BCL11B: variants seen among roughly 807,000 people sequenced by gnomAD.
The protein encoded by BCL11B is B-cell lymphoma/leukemia 11B.
In BCL11B, 8 loss-of-function variants were observed where a neutral mutation model predicts 49.9. That is an observed-to-expected ratio of 0.16 (90% CI 0.09 to 0.29). The LOEUF is 0.29. Among genes scored for constraint, BCL11B ranks in the 10% least tolerant of loss-of-function variants. The probability of loss-of-function intolerance (pLI) is 1.00; values close to 1 mark genes in which losing one functional copy is unlikely to be tolerated. For missense variants in BCL11B, 1,006 were observed against 1,351.0 expected (o/e 0.74, Z 4.00); for synonymous variants, 739 against 637.4 (o/e 1.16, Z -2.40).
intron 3 of BCL11B, among the ~76,000 whole-genome samples, chr14:99,211,777 T>C (rs1566812269): frequency 1.3e-5 from 2 of 152,040 alleles, no homozygotes; most frequent in Non-Finnish European, 2.9e-5. Flanking sequence ...CCCTCTGGAG[T>C]ACCCCCCACC....
At chr14:99,178,895 C>G (rs551338001) in intron 3 of BCL11B, among the ~76,000 whole-genome samples, 6 of 152,162 alleles carry the variant, frequency 3.9e-5, no homozygotes, top group Non-Finnish European at 7.3e-5. Context: ...CTCCCTTCCC[C>G]CAATCTCTTT....
At chr14:99,219,706 C>T (rs1595257281) in intron 3 of BCL11B, among the ~76,000 whole-genome samples, 1 of 151,980 alleles carries the variant, frequency 6.6e-6, no homozygotes, top group African/African-American at 2.4e-5. Context: ...GAAGACACAA[C>T]AGAAAGAACA....
intron 3 of BCL11B, among the ~76,000 whole-genome samples, chr14:99,216,804 T>G (rs1381312380): frequency 6.6e-6 from 1 of 151,964 alleles, no homozygotes; most frequent in East Asian, 1.9e-4. Flanking sequence ...ACATATACAC[T>G]CAACATGCAC....
chr14:99,170,248 C>G lies in BCL11B; in HGVS notation c.*3903G>C, dbSNP rs1886243443. The G allele has an allele frequency of 4.5e-6, 1 of 222,158 alleles. No homozygotes were observed. The highest frequency in any genetic ancestry group is 2.2e-5 in the African/African-American group (1 of 44,736). 13.8% of individuals were successfully genotyped at this position (222,158 alleles called of 1,614,324 possible). On this transcript the variant is annotated 3_prime_UTR_variant, in exon 4 of 4. Transcript: ENST00000357195. ...AAACTGAAATCTCAGCTTTCTCTCC[C>G]ATTCCCTCCCCCCTTTTTTTTAACT... is the stretch of plus-strand genomic sequence containing the variant.
At position 99,174,776 on chromosome 14, in the gene BCL11B, C is replaced by T. The variant is rs868859021; in HGVS notation, c.2060G>A (p.Arg687His). The T allele has an allele frequency of 1.4e-6, 2 of 1,464,202 alleles. No homozygotes were observed. The highest frequency in any genetic ancestry group is 1.8e-6 in the Non-Finnish European group (2 of 1,108,400). The allele number at this position is 1,464,202 out of a possible 1,614,324, so 90.7% of individuals were successfully genotyped here. Residue 687 changes from arginine to histidine, a missense_variant, in exon 4 of 4, where the codon CGC becomes CAC. Physicochemically the swap from Arg to His is conservative, Grantham distance 29 (BLOSUM62 0). Transcript: ENST00000357195. ...CTCCAGGTCCTTCTCCACCTTGATGCGCTTGGCGGCGCTGTTGAGCCCGGG... is the reference window on the plus strand; with the variant it reads ...CTCCAGGTCCTTCTCCACCTTGATGTGCTTGGCGGCGCTGTTGAGCCCGGG... Reference protein sequence around the residue: ...PSPGLNSAAKRIKVEKDLELP... With the variant: ...PSPGLNSAAKHIKVEKDLELP...
At chr14:99,212,635 G>A (rs562684386) in intron 3 of BCL11B, among the ~76,000 whole-genome samples, 3 of 152,212 alleles carry the variant, frequency 2.0e-5, no homozygotes, top group East Asian at 1.9e-4. Context: ...GGGGCCCATC[G>A]GGGAGGGCAC....
At chr14:99,215,999 C>T (rs1055137114) in intron 3 of BCL11B, among the ~76,000 whole-genome samples, 1 of 152,138 alleles carries the variant, frequency 6.6e-6, no homozygotes, top group Admixed American at 6.5e-5. Flanking sequence ...GGAAAGCCTC[C>T]GCCCAGGGAA....
At chr14:99,246,844 T>A (rs1888858779) in intron 2 of BCL11B, among the ~76,000 whole-genome samples, 2 of 151,990 alleles carry the variant, frequency 1.3e-5, no homozygotes, top group African/African-American at 4.8e-5. Context: ...GAGGGGCTGC[T>A]GGAGATGGAA....
chr14:99,211,365 A>T (rs1157570842), intron 3 of BCL11B, among the ~76,000 whole-genome samples: 1 of 152,168 alleles, frequency 6.6e-6, no homozygotes, highest in Non-Finnish European at 1.5e-5. Flanking sequence ...GGGCAGAGTC[A>T]TGTACTTGGG....
rs1232053258 is a variant in BCL11B at position 99,271,291 on chromosome 14, CGCCGCCGCGCCGCT to C, written c.-87_-74del. Reference sequence around the variant, plus strand: ...GGGAGCCGGGGGAGGGGGTCCGAGCCGCCGCCGCGCCGCTGCCGCCGCTGCCGCCGCCGCCGCCG... The same window carrying C: ...GGGAGCCGGGGGAGGGGGTCCGAGCCGCCGCCGCTGCCGCCGCCGCCGCCG... On this transcript the variant is annotated 5_prime_UTR_variant, in exon 1 of 4. Transcript: ENST00000357195. 8 of 1,029,580 alleles carry C rather than the reference CGCCGCCGCGCCGCT, an allele frequency of 7.8e-6. 2 individuals carry two copies. The highest frequency in any genetic ancestry group is 9.9e-6 in the Non-Finnish European group (8 of 809,330). The allele number at this position is 1,029,580 out of a possible 1,614,324, so 63.8% of individuals were successfully genotyped here. A position where few individuals can be genotyped will look rare whatever the true frequency, so the allele number is the denominator to read the frequency against.
intron 3 of BCL11B, among the ~76,000 whole-genome samples, chr14:99,220,528 T>C (rs1160207449): frequency 6.6e-6 from 1 of 152,102 alleles, no homozygotes; most frequent in Non-Finnish European, 1.5e-5. Context: ...CTAAGGAACC[T>C]AGAGTAGTCA....
At chr14:99,203,032 A>T (rs1439595212) in intron 3 of BCL11B, among the ~76,000 whole-genome samples, 1 of 152,282 alleles carries the variant, frequency 6.6e-6, no homozygotes, top group Middle Eastern at 3.4e-3. Context: ...CAGCTGTTCA[A>T]TGTCCGCACC....
At chr14:99,267,544 A>AC (rs57963488) in intron 1 of BCL11B, among the ~76,000 whole-genome samples, 3,661 of 131,532 alleles carry the variant, frequency 0.028, 148 homozygotes, top group African/African-American at 0.043. Flanking sequence ...GAGGAACTTC[A>AC]CCCCCCCCCC....
Position 99,174,701 on chromosome 14 carries a change from A to T in BCL11B, c.2135T>A (p.Leu712Gln). 1 of 1,570,268 alleles carries T rather than the reference A, an allele frequency of 6.4e-7. No homozygotes were observed. Among genetic ancestry groups the T allele is most frequent in the Non-Finnish European group, 8.6e-7 (1 of 1,160,094 alleles). Reference sequence around the variant, plus strand: ...GTGCCGCGACGCCGCGTAGCCCACCAGCCACTGCGAGTACACGTTCTCGGA... The same window carrying T: ...GTGCCGCGACGCCGCGTAGCCCACCTGCCACTGCGAGTACACGTTCTCGGA... ...IPSENVYSQW[L>Q]VGYAASRHFM... Residue 712 changes from leucine to glutamine, a missense_variant, in exon 4 of 4, where the codon CTG (leucine) becomes CAG (glutamine). Transcript: ENST00000357195.
intron 1 of BCL11B, among the ~76,000 whole-genome samples, chr14:99,266,194 C>A (rs1056228728): frequency 2.6e-5 from 4 of 152,122 alleles, no homozygotes; most frequent in Non-Finnish European, 5.9e-5. Context: ...GGAACATTAC[C>A]TAATAAATGG....
chr14:99,259,810 A>G (rs12435194), intron 1 of BCL11B, among the ~76,000 whole-genome samples: 55 of 152,358 alleles, frequency 3.6e-4, no homozygotes, highest in Admixed American at 2.9e-3. Context: ...TTTTATGAAA[A>G]GATGCTTTGC....
In BCL11B at chr14:99,257,419, G is replaced by A; in HGVS notation, c.427+52C>T. On this transcript the variant is annotated intron_variant, in intron 2 of 3. Transcript: ENST00000357195. This position sits in a 1 kb window ranked among gnomAD's most constrained non-coding sequence, Gnocchi z 6.2. The stretch of plus-strand genomic sequence containing the variant: ...ACCAGCACACTCAGGCAGAGGGCAT[G>A]GGACCCAGGAGGTGGCTTCCACAGC... The A allele has an allele frequency of 4.5e-6, 7 of 1,546,120 alleles. No individual in the cohort carries two copies.
chr14:99,179,000 G>A (rs987578634), intron 3 of BCL11B, among the ~76,000 whole-genome samples: 2 of 152,164 alleles, frequency 1.3e-5, no homozygotes, highest in African/African-American at 4.8e-5. Flanking sequence ...TGTGGCTGGT[G>A]AGGAAAGAAC....
Position 99,176,045 on chromosome 14 carries a change from G to C in BCL11B, c.791C>G (p.Thr264Ser), listed in dbSNP as rs762696923. The change falls in exon 4 of 4, where the codon ACC becomes AGC. Residue 264 changes from threonine to serine, a missense_variant. Transcript: ENST00000357195. ...CTCCGGCCCGAGCGGCGGCGGGATG[G>C]TGAGCCGCGGCGTGAGCGAGCTGCT... ...PASSSLTPRLTIPPPLGPEAV... is the reference protein window; with the variant it reads ...PASSSLTPRLSIPPPLGPEAV... The C allele has an allele frequency of 6.3e-7, 1 of 1,592,484 alleles. No homozygotes were observed. Among genetic ancestry groups the C allele is most frequent in the Admixed American group, 1.7e-5 (1 of 57,694 alleles).
Sources: gnomAD v4.1 joint callset for allele counts (sites outside exome capture counted in the v4.1 genomes callset) on GRCh38, gnomAD v4.1.1 for gene constraint, Gnocchi (gnomAD v3.1) non-coding constraint, MANE v1.5 for transcripts, NCBI Gene and HGNC (gene_info 2026-07-23, HGNC 2026-07-21) for gene names.